Variants in NFIB observed in about 807,000 individuals in gnomAD.
The protein encoded by NFIB is nuclear factor I B, also known as nuclear factor 1 B-type.
A neutral mutation model predicts 61.5 loss-of-function variants in NFIB; 11 were observed. That is an observed-to-expected ratio of 0.18 (90% confidence interval 0.11 to 0.30). The LOEUF (loss-of-function observed/expected upper bound fraction) is 0.30, where lower values mean the gene tolerates loss of function less well. Among genes scored for constraint, NFIB ranks in the 10% least tolerant of loss-of-function variants. The pLI is 1.00. For synonymous variants in NFIB, 260 were observed against 216.5 expected (o/e 1.20, Z -1.76); for missense variants, 471 against 608.9 (o/e 0.77, Z 2.38).
chr9:14,261,593 A>C (rs1031555916), intron 2 of NFIB, among the ~76,000 whole-genome samples: 1 of 152,134 alleles, frequency 6.6e-6, no homozygotes, highest in African/African-American at 2.4e-5. Context: ...TGCAGGGATG[A>C]CTGCCCCATA....
chr9:14,393,480 C>T (rs1416336570), intron 1 of NFIB, among the ~76,000 whole-genome samples: 10 of 152,188 alleles, frequency 6.6e-5, no homozygotes, highest in Non-Finnish European at 1.2e-4. Context: ...CTGAAGGTTT[C>T]TGCAGGCATT....
chr9:14,156,314 AC>A (rs1267081980), intron 3 of NFIB, among the ~76,000 whole-genome samples: 1 of 152,344 alleles, frequency 6.6e-6, no homozygotes, highest in East Asian at 1.9e-4. Flanking sequence ...TCTTAAAGCC[AC>A]CGTTCTTTTG....
At chr9:14,241,272 T>A (rs2054316829) in intron 2 of NFIB, among the ~76,000 whole-genome samples, 1 of 152,132 alleles carries the variant, frequency 6.6e-6, no homozygotes, top group Non-Finnish European at 1.5e-5. Flanking sequence ...AGAATATGCA[T>A]CAAGGTTTAG....
chr9:14,170,556 T>C (rs1234111843), intron 3 of NFIB, among the ~76,000 whole-genome samples: 2 of 152,194 alleles, frequency 1.3e-5, no homozygotes, highest in South Asian at 2.1e-4. Flanking sequence ...GGTGGGAAGA[T>C]TGTTTGAACC....
chr9:14,343,833 C>CGG (rs112857839), intron 1 of NFIB, among the ~76,000 whole-genome samples: 3 of 87,182 alleles, frequency 3.4e-5, no homozygotes, highest in Non-Finnish European at 5.5e-5. Flanking sequence ...AAGGGGGGGT[C>CGG]GGGGGGGGAA....
intron 4 of NFIB, among the ~76,000 whole-genome samples, chr9:14,153,635 C>G (rs1278545959): frequency 2.6e-5 from 4 of 152,042 alleles, no homozygotes; most frequent in Non-Finnish European, 5.9e-5. Flanking sequence ...GATCACTATC[C>G]TAATGCTGAA....
chr9:14,390,721 G>T (rs999376824), intron 1 of NFIB, among the ~76,000 whole-genome samples: 2 of 152,194 alleles, frequency 1.3e-5, no homozygotes, highest in Non-Finnish European at 2.9e-5. Context: ...AGCTCCCTCG[G>T]TTCTTCTTCT....
At chr9:14,516,440 T>G in the NFIB span, among the ~76,000 whole-genome samples, 2 of 152,168 alleles carry the variant, frequency 1.3e-5, no homozygotes, top group Non-Finnish European at 2.9e-5. Flanking sequence ...TGTTACTCCA[T>G]AAGGAACGAA....
intron 1 of NFIB, among the ~76,000 whole-genome samples, chr9:14,338,981 C>T (rs1413587902): frequency 6.6e-6 from 1 of 151,906 alleles, no homozygotes; most frequent in Non-Finnish European, 1.5e-5. Flanking sequence ...AGGTTGGGGA[C>T]AGGAAAAATC....
In NFIB at chr9:14,203,134, T is replaced by C. The variant is rs141924368; in HGVS notation, c.563-23354A>G. ...CTCCTTCTATTAATATCCTCTTGCA[T>C]GCTTTAGAAGCCAAAGGAGACAGCC... On this transcript the variant is annotated intron_variant, in intron 2 of 10. Coordinates refer to ENST00000380953, the MANE Select transcript of NFIB (RefSeq NM_001190737.2). Among the ~76,000 whole-genome samples, 32 of 151,986 alleles carry C rather than the reference T, an allele frequency of 2.1e-4. 1 individual carries two copies. In the South Asian group the frequency reaches 5.6e-3, roughly 27 times the overall value.
intron 2 of NFIB, among the ~76,000 whole-genome samples, chr9:14,301,386 T>C (rs12337337): frequency 0.13 from 19,411 of 152,262 alleles, 3,812 homozygotes; most frequent in African/African-American, 0.42. Context: ...TAAATCCAAA[T>C]ACATAATCTA....
chr9:14,433,208 T>C, the NFIB span, among the ~76,000 whole-genome samples: 7 of 152,316 alleles, frequency 4.6e-5, no homozygotes, highest in East Asian at 1.4e-3. Context: ...GCTGTGTTTC[T>C]CACATTAATT....
In NFIB at chr9:14,130,753, C is replaced by G. The variant is rs146167972; in HGVS notation, c.926-4987G>C. On this transcript the variant is annotated intron_variant, in intron 6 of 10. Coordinates refer to ENST00000380953, the MANE Select transcript of NFIB (RefSeq NM_001190737.2). Reference sequence around the variant, plus strand: ...GTGTCTAGGCAGCTTATTTTAGAATCTCTGGCATGTGAAAGAAACTGTATT... The same window carrying G: ...GTGTCTAGGCAGCTTATTTTAGAATGTCTGGCATGTGAAAGAAACTGTATT... 1.1e-4 allele frequency among the ~76,000 whole-genome samples: 17 copies of G among 151,946 alleles called. No individual in the cohort carries two copies. The East Asian group carries it at 3.3e-3, about 29-fold the overall frequency.
the NFIB span, among the ~76,000 whole-genome samples, chr9:14,441,750 C>T: frequency 3.9e-5 from 6 of 152,132 alleles, no homozygotes; most frequent in African/African-American, 1.2e-4. Flanking sequence ...ACCAAGTGGC[C>T]ATGTCTGCCT....
intron 2 of NFIB, among the ~76,000 whole-genome samples, chr9:14,241,626 A>C (rs571179567): frequency 3.9e-4 from 60 of 152,262 alleles, no homozygotes; most frequent in African/African-American, 1.4e-3. Context: ...TCTTCAAGAA[A>C]CTTTACACTC....
chr9:14,123,487 A>T (rs942707509), intron 7 of NFIB, among the ~76,000 whole-genome samples: 4 of 152,150 alleles, frequency 2.6e-5, no homozygotes, highest in African/African-American at 9.6e-5. Flanking sequence ...CGCTAAAATT[A>T]TTTCAGTGGC....
chr9:14,308,729 T>C (rs1275682999), intron 1 of NFIB, among the ~76,000 whole-genome samples: 1 of 152,234 alleles, frequency 6.6e-6, no homozygotes, highest in Non-Finnish European at 1.5e-5. Context: ...ATACATAGAT[T>C]ATAGAGTACC....
chr9:14,280,063 G>A (rs1366509793), intron 2 of NFIB, among the ~76,000 whole-genome samples: 1 of 152,066 alleles, frequency 6.6e-6, no homozygotes, highest in Non-Finnish European at 1.5e-5. Flanking sequence ...TAGAATCCAG[G>A]ATTTTATTTC....
intron 2 of NFIB, among the ~76,000 whole-genome samples, chr9:14,303,677 C>T (rs1319360049): frequency 6.6e-6 from 1 of 152,204 alleles, no homozygotes; most frequent in African/African-American, 2.4e-5. Context: ...GAATCAAAGG[C>T]ATTCAGCAAC....
Sources: gnomAD v4.1 joint callset for allele counts (sites outside exome capture counted in the v4.1 genomes callset) on GRCh38, gnomAD v4.1.1 for gene constraint, MANE v1.5 for transcripts, NCBI Gene and HGNC (gene_info 2026-07-23, HGNC 2026-07-21) for gene names.